Variants in COL5A1 observed in about 807,000 individuals in gnomAD.
COL5A1 encodes collagen type V alpha 1 chain.
Under a neutral mutation model 263.7 loss-of-function variants are expected in COL5A1, and 16 were observed. The observed-to-expected ratio is 0.06, with a 90% CI of 0.04 to 0.09. The LOEUF (loss-of-function observed/expected upper bound fraction) is 0.09. Ranked by LOEUF, COL5A1 falls within the 10% of genes least tolerant of loss-of-function variation. The pLI, the probability that COL5A1 is intolerant of heterozygous loss-of-function variation, is 1.00. For synonymous variants in COL5A1, 1,012 were observed against 1,004.5 expected (o/e 1.01, Z -0.14); for missense variants, 2,036 against 2,540.5 (o/e 0.80, Z 4.27).
chr9:134,776,660 G>A (rs912243957), intron 27 of COL5A1, among the ~76,000 whole-genome samples: 5 of 152,210 alleles, frequency 3.3e-5, no homozygotes, highest in African/African-American at 9.7e-5. Flanking sequence ...GTGAGAGGGG[G>A]CCCGTTATTT....
Position 134,731,675 on chromosome 9 carries a change from C to T in COL5A1, c.1332+12C>T, listed in dbSNP as rs1408476247. Reference sequence around the variant, plus strand: ...CCATCTATGAAGGGGTGAGAGGGTGCAGGCCCCCGTTCCGGGTGGGGTTGG... The same window carrying T: ...CCATCTATGAAGGGGTGAGAGGGTGTAGGCCCCCGTTCCGGGTGGGGTTGG... On this transcript the variant is annotated intron_variant, in intron 8 of 65. Coordinates refer to ENST00000371817, the MANE Select transcript of COL5A1 (RefSeq NM_000093.5). 4 of 1,606,056 alleles carry T rather than the reference C, an allele frequency of 2.5e-6. No homozygotes were observed. The highest frequency in any genetic ancestry group is 3.4e-6 in the Non-Finnish European group (4 of 1,175,316).
At chr9:134,657,201 G>A (rs1221420005) in intron 1 of COL5A1, among the ~76,000 whole-genome samples, 1 of 90,258 alleles carries the variant, frequency 1.1e-5, no homozygotes, top group Non-Finnish European at 2.3e-5. Context: ...GATAATATGG[G>A]GGCAGGGTAG....
chr9:134,766,132 C>T (rs879766762), intron 21 of COL5A1, among the ~76,000 whole-genome samples: 4 of 152,196 alleles, frequency 2.6e-5, no homozygotes, highest in Non-Finnish European at 2.9e-5. Context: ...GGCTGTGTCC[C>T]GGTGGGCAGC....
At chr9:134,819,077 G>T (rs755069626) in intron 57 of COL5A1, 24 bp downstream of exon 57, 1 of 1,611,776 alleles carries the variant, frequency 6.2e-7, no homozygotes, top group Non-Finnish European at 8.5e-7. Context: ...CCCTGCCCCA[G>T]CAACTGTGAC....
chr9:134,817,037 C>T lies in COL5A1; in HGVS notation c.4134C>T (p.Gly1378=). 1 of 1,613,934 alleles carries T rather than the reference C, an allele frequency of 6.2e-7. No individual in the cohort carries two copies. Among genetic ancestry groups the T allele is most frequent in the Non-Finnish European group, 8.5e-7 (1 of 1,179,818 alleles). The change falls in exon 53 of 66, where the codon GGC becomes GGT. Residue 1378 remains glycine, a synonymous_variant. Transcript: ENST00000371817. The stretch of plus-strand genomic sequence containing the variant: ...TCTCCCAATACCAGGGATCCCCCGG[C>T]CCTACTGGTGAACCAGGTCCATCGG... ...DGEPGQTGSP[G]PTGEPGPSGP...
intron 65 of COL5A1, among the ~76,000 whole-genome samples, chr9:134,839,568 T>G (rs1234360532): frequency 6.6e-6 from 1 of 152,196 alleles, no homozygotes; most frequent in Non-Finnish European, 1.5e-5. Context: ...GCTGGCTTGC[T>G]GACCTGTCGC....
intron 4 of COL5A1, among the ~76,000 whole-genome samples, chr9:134,715,242 A>C (rs1834220289): frequency 6.6e-6 from 1 of 152,112 alleles, no homozygotes; most frequent in Non-Finnish European, 1.5e-5. Context: ...CTGTGCTTTG[A>C]TGTGCACATA....
intron 4 of COL5A1, among the ~76,000 whole-genome samples, chr9:134,724,135 G>C (rs1834563950): frequency 6.6e-6 from 1 of 152,040 alleles, no homozygotes; most frequent in African/African-American, 2.4e-5. Flanking sequence ...CCTGTGTCCT[G>C]CATCAGCCCC....
At chr9:134,783,636 C>T (rs555414988) in intron 29 of COL5A1, among the ~76,000 whole-genome samples, 7 of 152,292 alleles carry the variant, frequency 4.6e-5, no homozygotes, top group African/African-American at 1.7e-4. Context: ...CCGCAGTCAT[C>T]CCCCTGCAGC....
At chr9:134,790,191 G>T (rs549075097) in intron 32 of COL5A1, among the ~76,000 whole-genome samples, 13 of 152,332 alleles carry the variant, frequency 8.5e-5, no homozygotes, top group African/African-American at 2.9e-4. Context: ...AATGTGTTCT[G>T]CCAGATTCAC....
rs759897302 is a variant in COL5A1, at chr9:134,741,317, G to A, written c.1494+2509G>A. ...TTAACACTTTTAATCTTCTATGCAC[G>A]GGGGCTTCGCAGACAAGAAGTAAAA... On this transcript the variant is annotated intron_variant, in intron 11 of 65. Coordinates refer to ENST00000371817, the MANE Select transcript of COL5A1 (RefSeq NM_000093.5). This position sits in a 1 kb window ranked among gnomAD's most constrained non-coding sequence, Gnocchi z 4.5. Among the ~76,000 whole-genome samples the A allele has an allele frequency of 1.3e-5, 2 of 152,178 alleles. No homozygotes were observed.
At chr9:134,784,752 C>T (rs954477987) in intron 29 of COL5A1, among the ~76,000 whole-genome samples, 2 of 152,268 alleles carry the variant, frequency 1.3e-5, no homozygotes, top group East Asian at 1.9e-4. Flanking sequence ...CAGGCAACCT[C>T]GGTGCAGAGA....
chr9:134,768,632 G>A (rs575072924), intron 25 of COL5A1, among the ~76,000 whole-genome samples, 169 bp downstream of exon 25: 1 of 152,214 alleles, frequency 6.6e-6, no homozygotes, highest in Admixed American at 6.5e-5. Flanking sequence ...TCATTCTTGG[G>A]TTCTGGACAC....
chr9:134,733,815 T>C (rs1490490152), intron 9 of COL5A1, among the ~76,000 whole-genome samples: 2 of 152,222 alleles, frequency 1.3e-5, no homozygotes, highest in Admixed American at 1.3e-4. Flanking sequence ...ACACTTGTTA[T>C]TGAGAGGTGG....
chr9:134,726,097 A>AG (rs200238406), intron 4 of COL5A1, among the ~76,000 whole-genome samples: 2,780 of 152,316 alleles, frequency 0.018, 40 homozygotes, highest in Non-Finnish European at 0.028. Flanking sequence ...CCAGTGGTTG[A>AG]GGGGTAATGG....
rs1839545985 is a variant in COL5A1 at position 134,830,158 on chromosome 9, G to C, written c.5136+114G>C. ...AGCAGCCTTCCACCTGGTATAGTCA[G>C]TACAAGCGGGGGTCCCTGGTAAGTG... is the stretch of plus-strand genomic sequence containing the variant. On this transcript the variant is annotated intron_variant, in intron 64 of 65. Coordinates refer to ENST00000371817, the MANE Select transcript of COL5A1 (RefSeq NM_000093.5). 6.2e-7 allele frequency: 1 copy of C among 1,611,126 alleles called. No individual in the cohort carries two copies. The highest frequency in any genetic ancestry group is 2.2e-5 in the East Asian group (1 of 44,768).
intron 4 of COL5A1, among the ~76,000 whole-genome samples, chr9:134,717,440 T>C (rs1028915416): frequency 2.6e-5 from 4 of 152,312 alleles, no homozygotes; most frequent in Admixed American, 6.5e-5. Context: ...TTTAACGTGG[T>C]TTGCGAACAC....
At chr9:134,800,490 A>G (rs1006116920) in intron 37 of COL5A1, among the ~76,000 whole-genome samples, 1 of 152,210 alleles carries the variant, frequency 6.6e-6, no homozygotes, top group African/African-American at 2.4e-5. Flanking sequence ...CACGCCTGCA[A>G]TCCCAACACT....
intron 25 of COL5A1, among the ~76,000 whole-genome samples, chr9:134,768,831 T>G (rs965901221): frequency 6.6e-6 from 1 of 152,080 alleles, no homozygotes; most frequent in African/African-American, 2.4e-5. Context: ...GTACGTGGTG[T>G]GTATTTTTAG....
Sources: gnomAD v4.1 joint callset for allele counts (sites outside exome capture counted in the v4.1 genomes callset) on GRCh38, gnomAD v4.1.1 for gene constraint, Gnocchi (gnomAD v3.1) non-coding constraint, MANE v1.5 for transcripts, NCBI Gene and HGNC (gene_info 2026-07-23, HGNC 2026-07-21) for gene names.